MED26: variants seen among roughly 807,000 people sequenced by gnomAD.
MED26 encodes mediator of RNA polymerase II transcription subunit 26.
A neutral mutation model predicts 43.7 loss-of-function variants in MED26; 7 were observed. That is an observed-to-expected ratio of 0.16 (90% CI 0.09 to 0.30). MED26 has a LOEUF of 0.30. MED26 is among the 10% of genes least tolerant of loss of function. The pLI is 1.00. For missense variants in MED26, 784 were observed against 840.6 expected (o/e 0.93, Z 0.83); for synonymous variants, 375 against 371.1 (o/e 1.01, Z -0.12).
intron 1 of MED26, among the ~76,000 whole-genome samples, chr19:16,612,399 C>T (rs1458616010): frequency 1.3e-5 from 2 of 152,304 alleles, no homozygotes; most frequent in South Asian, 2.1e-4. Context: ...ATCCTCCCAC[C>T]TCAGCCTCCC....
intron 1 of MED26, among the ~76,000 whole-genome samples, chr19:16,609,502 T>C (rs939648005): frequency 6.6e-6 from 1 of 152,102 alleles, no homozygotes; most frequent in Non-Finnish European, 1.5e-5. Context: ...ATGCCACCCA[T>C]CCTTTATACT....
chr19:16,627,008 C>A (rs998218316), intron 1 of MED26, among the ~76,000 whole-genome samples: 3 of 148,796 alleles, frequency 2.0e-5, no homozygotes, highest in African/African-American at 5.0e-5. Context: ...CAAAGGGGCA[C>A]CCGAGGAAGC....
chr19:16,608,854 TAAG>T (rs2086185849), intron 1 of MED26, among the ~76,000 whole-genome samples: 1 of 152,202 alleles, frequency 6.6e-6, no homozygotes, highest in African/African-American at 2.4e-5. Context: ...GGTTTAGACT[TAAG>T]AAAGTGATGG....
intron 1 of MED26, among the ~76,000 whole-genome samples, chr19:16,582,125 G>A (rs1295262202): frequency 4.6e-5 from 7 of 152,282 alleles, no homozygotes; most frequent in African/African-American, 1.7e-4. Flanking sequence ...TGTTGTGTAA[G>A]ACACAGAGAG....
chr19:16,625,905 C>T (rs2084998104), intron 1 of MED26, among the ~76,000 whole-genome samples: 2 of 152,172 alleles, frequency 1.3e-5, no homozygotes, highest in Admixed American at 1.3e-4. Context: ...CCATCCACCC[C>T]ATGTTAGTAG....
chr19:16,585,228 T>C (rs1480136957), intron 1 of MED26, among the ~76,000 whole-genome samples: 1 of 151,998 alleles, frequency 6.6e-6, no homozygotes, highest in Non-Finnish European at 1.5e-5. Flanking sequence ...CAGCTGTCCA[T>C]CCCGGTCCGA....
intron 1 of MED26, among the ~76,000 whole-genome samples, chr19:16,593,377 G>A (rs1288909932): frequency 6.6e-6 from 1 of 152,164 alleles, no homozygotes; most frequent in East Asian, 1.9e-4. Flanking sequence ...CCACACATCT[G>A]CTCAGACTTT....
At position 16,628,145 on chromosome 19, in the gene MED26, A is replaced by AGGAGGAGCCGCC; in HGVS notation, c.-214_-203dup. 1 of 366,980 alleles carries AGGAGGAGCCGCC rather than the reference A, an allele frequency of 2.7e-6. No individual in the cohort carries two copies. 22.7% of individuals were successfully genotyped at this position (366,980 alleles called of 1,614,324 possible). ...GGGCCGCCGCCGCCACCAAAGGAGG[A>AGGAGGAGCCGCC]GGAGGAGCCGCCGGAGCCGCCGCCG... On this transcript the variant is annotated 5_prime_UTR_variant, in exon 1 of 3. Transcript: ENST00000263390.
At position 16,577,244 on chromosome 19, in the gene MED26, G is replaced by A. The variant is rs773319730; in HGVS notation, c.586C>T (p.Leu196=). ...SGSPESFASS[L]DGSGHAGPEG... ...GGGCCTGCATGCCCACTGCCATCCAGGGAGCTGGCGAAGCTCTCTGGACTC... is the reference window on the plus strand; with the variant it reads ...GGGCCTGCATGCCCACTGCCATCCAAGGAGCTGGCGAAGCTCTCTGGACTC... The change falls in exon 3 of 3, where the codon CTG becomes TTG. Residue 196 remains leucine (L), a synonymous_variant. Coordinates refer to ENST00000263390, the MANE Select transcript of MED26 (RefSeq NM_004831.5). This position sits in a 1 kb window ranked among gnomAD's most constrained non-coding sequence, Gnocchi z 8.1. 6.2e-7 allele frequency: 1 copy of A among 1,613,052 alleles called. No individual in the cohort carries two copies. Among genetic ancestry groups the A allele is most frequent in the African/African-American group, 1.3e-5 (1 of 74,926 alleles).
At chr19:16,601,059 C>T (rs2086146895) in intron 1 of MED26, among the ~76,000 whole-genome samples, 1 of 151,994 alleles carries the variant, frequency 6.6e-6, no homozygotes, top group African/African-American at 2.4e-5. Flanking sequence ...TACTGCACTC[C>T]AGCCCTTTTA....
intron 1 of MED26, among the ~76,000 whole-genome samples, chr19:16,592,541 C>T (rs7250815): frequency 7.2e-5 from 11 of 152,224 alleles, no homozygotes; most frequent in African/African-American, 2.4e-4. Flanking sequence ...TAGCAAATCA[C>T]GCCACACATG....
At chr19:16,596,183 A>G (rs2086119346) in intron 1 of MED26, among the ~76,000 whole-genome samples, 1 of 152,076 alleles carries the variant, frequency 6.6e-6, no homozygotes, top group Non-Finnish European at 1.5e-5. Context: ...GCCATGCTTC[A>G]ACTGTTTTTG....
Position 16,575,907 on chromosome 19 carries a change from G to T in MED26, c.*120C>A, listed in dbSNP as rs2085993067. ...GACTCCCGCCCCCTCCCTCCCGCCT[G>T]GGCCGGACTCCCCGAGTTCCCAGCG... On this transcript the variant is annotated 3_prime_UTR_variant, in exon 3 of 3. Coordinates refer to ENST00000263390, the MANE Select transcript of MED26 (RefSeq NM_004831.5). The T allele has an allele frequency of 2.4e-6, 2 of 847,198 alleles. No homozygotes were observed. The highest frequency in any genetic ancestry group is 3.7e-6 in the Non-Finnish European group (2 of 545,856). 52.5% of individuals were successfully genotyped at this position (847,198 alleles called of 1,614,324 possible). A position where few individuals can be genotyped will look rare whatever the true frequency, so the allele number is the denominator to read the frequency against.
chr19:16,622,698 C>A (rs991672785), intron 1 of MED26, among the ~76,000 whole-genome samples: 2 of 152,170 alleles, frequency 1.3e-5, no homozygotes, highest in African/African-American at 4.8e-5. Context: ...AGCTCCTGGT[C>A]CCCAAAGGAA....
intron 1 of MED26, among the ~76,000 whole-genome samples, chr19:16,622,220 C>T (rs1044150264): frequency 6.6e-6 from 1 of 152,210 alleles, no homozygotes; most frequent in Non-Finnish European, 1.5e-5. Context: ...GGACTTGAGA[C>T]CTGCGGCACC....
chr19:16,581,887 G>A (rs2086047602), intron 1 of MED26, among the ~76,000 whole-genome samples: 2 of 152,210 alleles, frequency 1.3e-5, no homozygotes, highest in South Asian at 4.1e-4. Context: ...TCCCCTTTCT[G>A]TCCCCACCGT....
chr19:16,594,823 C>T (rs1248075180), intron 1 of MED26, among the ~76,000 whole-genome samples: 3 of 152,118 alleles, frequency 2.0e-5, no homozygotes, highest in Non-Finnish European at 4.4e-5. Flanking sequence ...GGCAGGAACG[C>T]ATGTTTTTAC....
chr19:16,576,865 G>A lies in MED26; in HGVS notation c.965C>T (p.Ser322Phe). Reference sequence around the variant, plus strand: ...CTCGAGCCGCCGTACGGGGGGTGTGGACGGCTGTGCCAGTGGAAGCGGTGA... The same window carrying A: ...CTCGAGCCGCCGTACGGGGGGTGTGAACGGCTGTGCCAGTGGAAGCGGTGA... The part of the protein sequence containing the change: ...VPSPLPLAQP[S>F]TPPVRRLELL... Residue 322 changes from serine to phenylalanine, a missense_variant, in exon 3 of 3, where the codon TCC becomes TTC. By Grantham distance (155) the Ser-to-Phe change is radical. This residue lies in a region of MED26 where 719 missense variants were observed against 730.9 expected (regional missense o/e 0.98). Coordinates refer to ENST00000263390, the MANE Select transcript of MED26 (RefSeq NM_004831.5). The surrounding 1 kb of genome is among the most constrained non-coding windows in gnomAD (Gnocchi z 6.8). 6.2e-7 allele frequency: 1 copy of A among 1,610,672 alleles called. No individual in the cohort carries two copies. The highest frequency in any genetic ancestry group is 8.5e-7 in the Non-Finnish European group (1 of 1,178,528).
intron 1 of MED26, among the ~76,000 whole-genome samples, chr19:16,581,356 G>A (rs1380372537): frequency 2.0e-5 from 3 of 152,174 alleles, no homozygotes; most frequent in Non-Finnish European, 4.4e-5. Context: ...AAGACTGTGC[G>A]ATGAGGAGGC....
Sources: gnomAD v4.1 joint callset for allele counts (sites outside exome capture counted in the v4.1 genomes callset) on GRCh38, gnomAD v4.1.1 for gene constraint, gnomAD v4.1.1 regional missense constraint, Gnocchi (gnomAD v3.1) non-coding constraint, MANE v1.5 for transcripts, NCBI Gene and HGNC (gene_info 2026-07-23, HGNC 2026-07-21) for gene names.